The following GNPNAT1 variants were observed in gnomAD, a reference collection of about 807,000 sequenced individuals.
GNPNAT1 encodes glucosamine-phosphate N-acetyltransferase 1, also known as glucosamine 6-phosphate N-acetyltransferase.
In GNPNAT1, 11 loss-of-function variants were observed where a neutral mutation model predicts 19.8. The observed-to-expected ratio is 0.56, with a 90% confidence interval of 0.35 to 0.92. GNPNAT1 has a LOEUF of 0.92. Ranked by LOEUF, GNPNAT1 falls within the 40% of genes least tolerant of loss-of-function variation. The pLI is 0.01. For missense variants in GNPNAT1, 157 were observed against 211.0 expected (o/e 0.74, Z 1.59); for synonymous variants, 71 against 72.3 (o/e 0.98, Z 0.09).
rs1054649424 is a variant in GNPNAT1 at position 52,784,663 on chromosome 14, G to T, written c.-13C>A. Reference sequence around the variant, plus strand: ...CATCAGGTTTCATTTTTCTAGTAAGGTCTAAAATAAAAATTTGAATATTAA... The same window carrying T: ...CATCAGGTTTCATTTTTCTAGTAAGTTCTAAAATAAAAATTTGAATATTAA... On this transcript the variant is annotated splice_region_variant and 5_prime_UTR_variant, in exon 2 of 6. Transcript: ENST00000216410. 3.5e-6 allele frequency: 5 copies of T among 1,417,414 alleles called. No homozygotes were observed. Among genetic ancestry groups the T allele is most frequent in the Non-Finnish European group, 3.8e-6 (4 of 1,045,168 alleles). The allele number at this position is 1,417,414 out of a possible 1,614,324, so 87.8% of individuals were successfully genotyped here. A position where few individuals can be genotyped will look rare whatever the true frequency, so the allele number is the denominator to read the frequency against.
Position 52,781,548 on chromosome 14 carries a change from C to T in GNPNAT1, c.345+236G>A, listed in dbSNP as rs1172885107. 5.3e-5 allele frequency among the ~76,000 whole-genome samples: 8 copies of T among 151,086 alleles called. No homozygotes were observed. In the South Asian group the frequency reaches 1.5e-3, roughly 29 times the overall value. On this transcript the variant is annotated intron_variant, in intron 4 of 5. Coordinates refer to ENST00000216410, the MANE Select transcript of GNPNAT1 (RefSeq NM_198066.4). ...GTAACATTAGGGATTTTGTGCATTA[C>T]TGCTAAGTTGTTTGGTTTCTCTATG... is the stretch of plus-strand genomic sequence containing the variant.
In GNPNAT1 at chr14:52,783,452, GTC is replaced by G. The variant is rs1352878063; in HGVS notation, c.186_187del (p.Glu62AspfsTer7). The G allele has an allele frequency of 1.9e-6, 3 of 1,610,780 alleles. No individual in the cohort carries two copies. The highest frequency in any genetic ancestry group is 2.2e-5 in the East Asian group (1 of 44,796). ...AAATTGTTCAGGGCTGACAACTCCA[GTC>G]TCTGTTAGCTGACCCAATACCTTAA... On this transcript the variant is annotated frameshift_variant, in exon 3 of 6. Transcript: ENST00000216410. LOFTEE classifies it high-confidence loss of function.
At position 52,784,546 on chromosome 14, in the gene GNPNAT1, A is replaced by G. The variant is rs760403323; in HGVS notation, c.105T>C (p.Pro35=). The G allele has an allele frequency of 2.5e-6, 4 of 1,608,766 alleles. No homozygotes were observed. The highest frequency in any genetic ancestry group is 1.1e-5 in the South Asian group (1 of 90,392). The change falls in exon 2 of 6, where the codon CCT becomes CCC. Residue 35 remains proline, a synonymous_variant. Transcript: ENST00000216410. ...GAGGCCTCAAAACCAAGCCTTCTCC[A>G]GGATGTGTTGGGGAAATGGCTGGAG... is the stretch of plus-strand genomic sequence containing the variant. ...TFSPAISPTH[P]GEGLVLRPLC... is the part of the protein sequence containing the mutation.
intron 5 of GNPNAT1, among the ~76,000 whole-genome samples, chr14:52,779,406 A>T (rs920085231): frequency 3.3e-5 from 5 of 152,074 alleles, no homozygotes; most frequent in Non-Finnish European, 7.4e-5. Flanking sequence ...ACAGACTAAA[A>T]AATCCTATTT....
Position 52,791,223 on chromosome 14 carries a change from C to G in GNPNAT1, c.-15+205G>C, listed in dbSNP as rs961981989. 6.6e-6 allele frequency among the ~76,000 whole-genome samples: 1 copy of G among 152,168 alleles called. No individual in the cohort carries two copies. Among genetic ancestry groups the G allele is most frequent in the Admixed American group, 6.5e-5 (1 of 15,278 alleles). ...TCATCCTTAACCTCTGCTCCAGGCG[C>G]GCGTGCGTTCAACTTCCTGGGAACC... is the stretch of plus-strand genomic sequence containing the variant. On this transcript the variant is annotated intron_variant, in intron 1 of 5. Transcript: ENST00000216410. This position sits in a 1 kb window ranked among gnomAD's most constrained non-coding sequence, Gnocchi z 4.1.
chr14:52,776,122 T>G lies in GNPNAT1; in HGVS notation c.*2189A>C, dbSNP rs1322239480. The G allele has an allele frequency of 6.6e-6, 1 of 152,462 alleles. No homozygotes were observed. Among genetic ancestry groups the G allele is most frequent in the Non-Finnish European group, 1.5e-5 (1 of 68,358 alleles). 9.4% of individuals were successfully genotyped at this position (152,462 alleles called of 1,614,324 possible). A position where few individuals can be genotyped will look rare whatever the true frequency, so the allele number is the denominator to read the frequency against. ...AGGAGATTGAAGCGGCAGTGTGTGGTGATTGTGCCCCTGCGCTCTAGCCTG... is the reference window on the plus strand; with the variant it reads ...AGGAGATTGAAGCGGCAGTGTGTGGGGATTGTGCCCCTGCGCTCTAGCCTG... On this transcript the variant is annotated 3_prime_UTR_variant, in exon 6 of 6. Transcript: ENST00000216410.
intron 1 of GNPNAT1, among the ~76,000 whole-genome samples, chr14:52,785,686 T>C (rs1267239889): frequency 3.3e-5 from 5 of 150,626 alleles, no homozygotes; most frequent in African/African-American, 9.7e-5. Flanking sequence ...GATTGCGCCA[T>C]TGCACTCCAG....
At chr14:52,786,972 A>G (rs776403404) in intron 1 of GNPNAT1, among the ~76,000 whole-genome samples, 2 of 149,576 alleles carry the variant, frequency 1.3e-5, no homozygotes, top group Non-Finnish European at 2.9e-5. Flanking sequence ...TTTCATATAC[A>G]TCTTATACAG....
intron 1 of GNPNAT1, among the ~76,000 whole-genome samples, chr14:52,786,200 A>G (rs1229811591): frequency 2.0e-5 from 3 of 151,180 alleles, no homozygotes; most frequent in Non-Finnish European, 4.4e-5. Flanking sequence ...TTCACAGCAG[A>G]TTTTCTAAAA....
chr14:52,780,846 GAACTT>G (rs760291894), intron 4 of GNPNAT1, 106 bp from the exon 5 acceptor site: 2 of 654,954 alleles, frequency 3.1e-6, no homozygotes, highest in South Asian at 4.3e-5. Flanking sequence ...TTGTAAACTT[GAACTT>G]AACAGAAATC....
At chr14:52,784,464 A>G in intron 2 of GNPNAT1, 33 bp downstream of exon 2, 2 of 1,483,752 alleles carry the variant, frequency 1.3e-6, no homozygotes, top group Non-Finnish European at 9.0e-7. Context: ...ATGGAAGGCT[A>G]ACTCTAATTT....
At chr14:52,787,158 C>A (rs1054800023) in intron 1 of GNPNAT1, among the ~76,000 whole-genome samples, 3 of 151,990 alleles carry the variant, frequency 2.0e-5, no homozygotes, top group African/African-American at 7.2e-5. Flanking sequence ...CAGTCCCCAA[C>A]TTATTTCTAT....
intron 1 of GNPNAT1, among the ~76,000 whole-genome samples, chr14:52,786,938 G>T (rs1472687886): frequency 5.6e-5 from 8 of 142,756 alleles, no homozygotes; most frequent in Non-Finnish European, 1.0e-4. Flanking sequence ...TTGGGGATGG[G>T]ACCCAAGTCA....
At chr14:52,778,548 TAA>T (rs1882798467) in intron 5 of GNPNAT1, 90 bp from the exon 6 acceptor site, 5 of 1,135,174 alleles carry the variant, frequency 4.4e-6, no homozygotes, top group East Asian at 2.7e-5. Context: ...TTATAAAACT[TAA>T]GTTTCCTTAG....
Position 52,778,307 on chromosome 14 carries a change from A to T in GNPNAT1, c.*4T>A, listed in dbSNP as rs146101267. ...GCCCCTTTGACAATTTTCTTACAAGATTTTTACTTTAGAAACCTCCGACAC... is the reference window on the plus strand; with the variant it reads ...GCCCCTTTGACAATTTTCTTACAAGTTTTTTACTTTAGAAACCTCCGACAC... On this transcript the variant is annotated 3_prime_UTR_variant, in exon 6 of 6. Transcript: ENST00000216410. 2.7e-5 allele frequency: 43 copies of T among 1,579,110 alleles called. No homozygotes were observed. In the African/African-American group the frequency reaches 5.1e-4, roughly 19 times the overall value.
chr14:52,780,760 T>G lies in GNPNAT1; in HGVS notation c.346-20A>C. ...TCCTCTCTGAAAATATTTACAATGT[T>G]TAAAGGAGTAAGCATTTACTTTTGT... On this transcript the variant is annotated intron_variant, in intron 4 of 5. Transcript: ENST00000216410. 6.8e-7 allele frequency: 1 copy of G among 1,466,118 alleles called. No homozygotes were observed. The allele number at this position is 1,466,118 out of a possible 1,614,324, so 90.8% of individuals were successfully genotyped here.
At chr14:52,779,862 T>G (rs1315536431) in intron 5 of GNPNAT1, among the ~76,000 whole-genome samples, 1 of 151,952 alleles carries the variant, frequency 6.6e-6, no homozygotes, top group East Asian at 1.9e-4. Flanking sequence ...ATTTGTTAAT[T>G]CCTTAAAACT....
rs1025373909 is a variant in GNPNAT1 at position 52,777,095 on chromosome 14, T to C, written c.*1216A>G. 1.3e-5 allele frequency: 2 copies of C among 152,290 alleles called. No homozygotes were observed. Among genetic ancestry groups the C allele is most frequent in the African/African-American group, 4.8e-5 (2 of 41,446 alleles). 9.4% of individuals were successfully genotyped at this position (152,290 alleles called of 1,614,324 possible). ...TGGCTGCATGGAGGGAAATCCAAAA[T>C]CCAGATGACGTGGTGTGAGTCAATG... On this transcript the variant is annotated 3_prime_UTR_variant, in exon 6 of 6. Transcript: ENST00000216410.
intron 1 of GNPNAT1, among the ~76,000 whole-genome samples, chr14:52,790,606 G>A (rs1883148928): frequency 6.6e-6 from 1 of 152,118 alleles, no homozygotes; most frequent in Non-Finnish European, 1.5e-5. Flanking sequence ...AAGTGACTTG[G>A]GGCTAGAATC....
Sources: gnomAD v4.1 joint callset for allele counts (sites outside exome capture counted in the v4.1 genomes callset) on GRCh38, gnomAD v4.1.1 for gene constraint, Gnocchi (gnomAD v3.1) non-coding constraint, MANE v1.5 for transcripts, NCBI Gene and HGNC (gene_info 2026-07-23, HGNC 2026-07-21) for gene names.